The following TENM2 variants were observed in gnomAD, a reference collection of about 807,000 sequenced individuals.
TENM2 encodes teneurin transmembrane protein 2.
In TENM2, 52 loss-of-function variants were observed where a neutral mutation model predicts 245.2. The ratio of observed to expected loss-of-function variants is 0.21; its 90% CI spans 0.17 to 0.27. TENM2 has a LOEUF of 0.27. TENM2 is among the 10% of genes least tolerant of loss of function. The pLI is 1.00. For missense variants in TENM2, 3,046 were observed against 3,666.8 expected, an observed-to-expected ratio of 0.83 and a Z score of 4.37; for synonymous variants, 1,363 against 1,438.9, an observed-to-expected ratio of 0.95 and a Z score of 1.19.
intron 2 of TENM2, among the ~76,000 whole-genome samples, chr5:167,762,540 T>TCA (rs1236163729): frequency 6.6e-6 from 1 of 152,154 alleles, no homozygotes; most frequent in Admixed American, 6.5e-5. Context: ...GTGCTCTGGT[T>TCA]GTCAGTTGGC....
At position 167,336,973 on chromosome 5, in the gene TENM2, C is replaced by T. The variant is rs1484313924; in HGVS notation, c.227-38225C>T. Reference sequence around the variant, plus strand: ...TCTACTAAAAATACAAAAAATTAGCCGGGCGCGGTGGCGGGCGCCTGTAGT... The same window carrying T: ...TCTACTAAAAATACAAAAAATTAGCTGGGCGCGGTGGCGGGCGCCTGTAGT... On this transcript the variant is annotated intron_variant, in intron 1 of 28. Coordinates refer to ENST00000518659, the Ensembl canonical transcript of TENM2. 9.3e-5 allele frequency among the ~76,000 whole-genome samples: 14 copies of T among 150,078 alleles called. No individual in the cohort carries two copies. In the South Asian group the frequency reaches 1.3e-3, roughly 14 times the overall value.
At chr5:166,985,756 A>G in the TENM2 span, among the ~76,000 whole-genome samples, 1 of 152,106 alleles carries the variant, frequency 6.6e-6, no homozygotes, top group Admixed American at 6.6e-5. Flanking sequence ...CTTACAGTCT[A>G]GAGGAGGCTC....
At chr5:167,872,135 A>G (rs920885949) in intron 2 of TENM2, among the ~76,000 whole-genome samples, 7 of 151,964 alleles carry the variant, frequency 4.6e-5, no homozygotes, top group African/African-American at 1.7e-4. Flanking sequence ...TATACAAAAA[A>G]TACAAAAATT....
chr5:167,404,660 C>A (rs1421058826), intron 2 of TENM2, among the ~76,000 whole-genome samples: 2 of 151,912 alleles, frequency 1.3e-5, no homozygotes, highest in African/African-American at 4.8e-5. Flanking sequence ...TCATTGAAAT[C>A]TACAGTGGAG....
chr5:167,358,664 A>G (rs1759500047), intron 1 of TENM2, among the ~76,000 whole-genome samples: 2 of 151,760 alleles, frequency 1.3e-5, no homozygotes, highest in Non-Finnish European at 2.9e-5. Context: ...GTTAAATAGT[A>G]TGTACATGGC....
At chr5:167,326,266 G>T (rs1324421355) in intron 1 of TENM2, among the ~76,000 whole-genome samples, 1 of 152,158 alleles carries the variant, frequency 6.6e-6, no homozygotes, top group Non-Finnish European at 1.5e-5. Context: ...AATTTACTAT[G>T]TTTTGATATT....
chr5:167,353,598 C>G (rs112930225), intron 1 of TENM2, among the ~76,000 whole-genome samples: 2,236 of 145,338 alleles, frequency 0.015, 27 homozygotes, highest in Non-Finnish European at 0.021. Context: ...AGCTCCGCCT[C>G]CCGGGTTCAC....
intron 1 of TENM2, among the ~76,000 whole-genome samples, chr5:167,362,652 A>G (rs996178931): frequency 2.6e-5 from 4 of 152,218 alleles, no homozygotes; most frequent in Non-Finnish European, 2.9e-5. Context: ...TAATTTCAGT[A>G]ATGTTAGCAG....
intron 27 of TENM2, 91 bp downstream of exon 29, chr5:168,248,462 G>A (rs955370838): frequency 3.0e-6 from 4 of 1,336,090 alleles, no homozygotes; most frequent in African/African-American, 1.5e-5. Context: ...CCATCTTATG[G>A]TAGGAGAAGC....
chr5:167,443,222 T>C (rs549617914), intron 2 of TENM2, among the ~76,000 whole-genome samples: 4 of 152,204 alleles, frequency 2.6e-5, no homozygotes, highest in South Asian at 2.1e-4. Flanking sequence ...AACCAGAGAG[T>C]TGGCATGCAG....
chr5:167,832,347 C>T (rs553422921), intron 2 of TENM2, among the ~76,000 whole-genome samples: 1 of 152,312 alleles, frequency 6.6e-6, no homozygotes, highest in Admixed American at 6.5e-5. Context: ...CGTGTGTGCA[C>T]ACACGCATGC....
At chr5:167,215,691 C>T in the TENM2 span, among the ~76,000 whole-genome samples, 2 of 152,164 alleles carry the variant, frequency 1.3e-5, no homozygotes, top group Admixed American at 6.5e-5. Context: ...AAGAGGCTTT[C>T]CCAGTGTCCC....
chr5:168,141,629 T>C (rs1755560065), intron 12 of TENM2, among the ~76,000 whole-genome samples: 1 of 152,228 alleles, frequency 6.6e-6, no homozygotes, highest in Non-Finnish European at 1.5e-5. Context: ...AAGAATGATG[T>C]TTCAGCTCTT....
intron 3 of TENM2, among the ~76,000 whole-genome samples, chr5:167,912,947 A>G (rs139967778): frequency 8.9e-4 from 135 of 152,250 alleles, no homozygotes; most frequent in African/African-American, 3.2e-3. Context: ...GTATTCCCAG[A>G]TGGAACAGGA....
chr5:167,629,004 A>ATTTATTAAG (rs1442493325), intron 2 of TENM2, among the ~76,000 whole-genome samples: 1 of 152,206 alleles, frequency 6.6e-6, no homozygotes, highest in African/African-American at 2.4e-5. Context: ...AATTATCATA[A>ATTTATTAAG]TTTATTAAGT....
intron 2 of TENM2, among the ~76,000 whole-genome samples, chr5:167,857,631 A>G (rs1266141342): frequency 6.6e-6 from 1 of 152,162 alleles, no homozygotes; most frequent in Non-Finnish European, 1.5e-5. Flanking sequence ...GACATGTTTT[A>G]TCTTGAGAAA....
intron 3 of TENM2, among the ~76,000 whole-genome samples, chr5:167,935,077 G>GCTC (rs1241849416): frequency 3.3e-5 from 5 of 152,192 alleles, no homozygotes; most frequent in Non-Finnish European, 5.9e-5. Flanking sequence ...CAGGGCAAGA[G>GCTC]TGTTCCCCAG....
chr5:167,192,639 G>C, the TENM2 span, among the ~76,000 whole-genome samples: 1 of 152,014 alleles, frequency 6.6e-6, no homozygotes, highest in African/African-American at 2.4e-5. Flanking sequence ...GAGTCAGATA[G>C]GCAATATCCT....
intron 2 of TENM2, among the ~76,000 whole-genome samples, chr5:167,502,795 G>C (rs74606057): frequency 0.018 from 2,755 of 152,248 alleles, 91 homozygotes; most frequent in African/African-American, 0.063. Context: ...GGGGATTCAT[G>C]CTGAAAATGC....
Sources: gnomAD v4.1 joint callset for allele counts (sites outside exome capture counted in the v4.1 genomes callset) on GRCh38, gnomAD v4.1.1 for gene constraint, MANE v1.5 for transcripts, NCBI Gene and HGNC (gene_info 2026-07-23, HGNC 2026-07-21) for gene names.